TEAD1: variants seen among roughly 807,000 people sequenced by gnomAD.
TEAD1 encodes transcriptional enhancer factor TEF-1.
A neutral mutation model predicts 54.9 loss-of-function variants in TEAD1; 9 were observed. The observed-to-expected ratio is 0.16, with a 90% CI of 0.10 to 0.29. TEAD1 has a LOEUF of 0.29. Ranked by LOEUF, TEAD1 falls within the 10% of genes least tolerant of loss-of-function variation. TEAD1 has a pLI of 1.00. For missense variants in TEAD1, 387 were observed against 535.9 expected, an observed-to-expected ratio of 0.72 and a Z score of 2.74; for synonymous variants, 200 against 187.8, an observed-to-expected ratio of 1.07 and a Z score of -0.53.
intron 2 of TEAD1, among the ~76,000 whole-genome samples, chr11:12,687,228 G>A (rs1344237606): frequency 6.6e-6 from 1 of 152,240 alleles, no homozygotes; most frequent in African/African-American, 2.4e-5. Context: ...GAGAGAAAAT[G>A]TGTGAGCCCT....
rs1287410111 is a variant in TEAD1 at position 12,675,399 on chromosome 11, G to C, written c.-207-10G>C. The C allele has an allele frequency of 6.6e-6, 1 of 152,578 alleles. No homozygotes were observed. The highest frequency in any genetic ancestry group is 1.5e-5 in the Non-Finnish European group (1 of 68,436). The allele number at this position is 152,578 out of a possible 1,614,324, so 9.5% of individuals were successfully genotyped here. A position where few individuals can be genotyped will look rare whatever the true frequency, so the allele number is the denominator to read the frequency against. On this transcript the variant is annotated splice_polypyrimidine_tract_variant and intron_variant, in intron 1 of 12. Transcript: ENST00000527636. ...GAAAAAGGGCACGGTCGTCTTTGCC[G>C]CTTCTCCAGGACTGTTGCTGCCGCT...
intron 3 of TEAD1, among the ~76,000 whole-genome samples, chr11:12,785,613 G>T (rs1945661673): frequency 6.6e-6 from 1 of 152,122 alleles, no homozygotes; most frequent in African/African-American, 2.4e-5. Flanking sequence ...CCTATGCCAG[G>T]TGATATTCCC....
At chr11:12,821,720 T>C (rs1946548539) in intron 3 of TEAD1, among the ~76,000 whole-genome samples, 1 of 152,162 alleles carries the variant, frequency 6.6e-6, no homozygotes, top group South Asian at 2.1e-4. Context: ...CATGTATTTG[T>C]AAACTATTGA....
chr11:12,840,886 G>C (rs189458812), intron 3 of TEAD1, among the ~76,000 whole-genome samples: 26 of 152,344 alleles, frequency 1.7e-4, no homozygotes, highest in African/African-American at 6.3e-4. Context: ...TATAGGGAGA[G>C]TTGTACTGGA....
At chr11:12,837,207 T>C (rs1416067666) in intron 3 of TEAD1, among the ~76,000 whole-genome samples, 1 of 152,220 alleles carries the variant, frequency 6.6e-6, no homozygotes, top group Non-Finnish European at 1.5e-5. Context: ...CCCTCTTCCT[T>C]TCTTGCCCAC....
intron 3 of TEAD1, among the ~76,000 whole-genome samples, chr11:12,801,547 T>G (rs376595699): frequency 4.0e-4 from 61 of 152,316 alleles, no homozygotes; most frequent in African/African-American, 1.4e-3. Context: ...AAATAGATAT[T>G]AGTGACCTAT....
chr11:12,899,759 C>G (rs1178893980), intron 9 of TEAD1, among the ~76,000 whole-genome samples: 1 of 152,212 alleles, frequency 6.6e-6, no homozygotes, highest in Non-Finnish European at 1.5e-5. Context: ...TTCTCTCTTT[C>G]ACCTCACCTG....
chr11:12,785,699 G>T lies in TEAD1; in HGVS notation c.202+21265G>T, dbSNP rs548464149. ...AACTTACAGATCTTGGTCTTTGGAGGTTTGGTCTGTGGATCTTGGTATCTA... is the reference window on the plus strand; with the variant it reads ...AACTTACAGATCTTGGTCTTTGGAGTTTTGGTCTGTGGATCTTGGTATCTA... On this transcript the variant is annotated intron_variant, in intron 3 of 12. Coordinates refer to ENST00000527636, the MANE Select transcript of TEAD1 (RefSeq NM_021961.6). Among the ~76,000 whole-genome samples, 44 of 152,262 alleles carry T rather than the reference G, an allele frequency of 2.9e-4. 1 individual carries two copies. The South Asian group carries it at 8.9e-3, about 31-fold the overall frequency.
intron 3 of TEAD1, among the ~76,000 whole-genome samples, chr11:12,855,572 G>A (rs1405690989): frequency 6.6e-6 from 1 of 151,998 alleles, no homozygotes; most frequent in Non-Finnish European, 1.5e-5. Flanking sequence ...ACAGGCATGA[G>A]CCATTGCGCC....
intron 9 of TEAD1, among the ~76,000 whole-genome samples, chr11:12,896,035 T>TA (rs918718675): frequency 6.6e-5 from 10 of 151,902 alleles, no homozygotes; most frequent in African/African-American, 2.2e-4. Flanking sequence ...TATATCACAT[T>TA]AAAAAAAATT....
intron 3 of TEAD1, among the ~76,000 whole-genome samples, chr11:12,855,518 GA>G (rs1166771660): frequency 6.6e-6 from 1 of 152,062 alleles, no homozygotes; most frequent in South Asian, 2.1e-4. Context: ...TTGATCTCCT[GA>G]CTGCGTGATC....
intron 3 of TEAD1, among the ~76,000 whole-genome samples, chr11:12,807,735 G>A (rs1946205991): frequency 6.6e-6 from 1 of 152,210 alleles, no homozygotes; most frequent in Admixed American, 6.5e-5. Flanking sequence ...AGGGCTGCAC[G>A]GAAAATTCCA....
chr11:12,744,090 A>T (rs1252333682), intron 2 of TEAD1, among the ~76,000 whole-genome samples: 2 of 152,194 alleles, frequency 1.3e-5, no homozygotes, highest in African/African-American at 2.4e-5. Flanking sequence ...TTGCTGAGAA[A>T]ACTTTAGTTG....
intron 6 of TEAD1, 72 bp from the exon 7 acceptor site, chr11:12,880,933 G>T: frequency 6.5e-7 from 1 of 1,543,544 alleles, no homozygotes; most frequent in South Asian, 1.1e-5. Context: ...CAGGGGTTGT[G>T]ATGCGTAGGC....
intron 2 of TEAD1, among the ~76,000 whole-genome samples, chr11:12,739,849 C>T (rs2133890850): frequency 6.6e-6 from 1 of 152,274 alleles, no homozygotes; most frequent in South Asian, 2.1e-4. Flanking sequence ...AATATTGGTC[C>T]ATCAGGGAGA....
chr11:12,742,674 T>G (rs1454425173), intron 2 of TEAD1, among the ~76,000 whole-genome samples: 2 of 152,194 alleles, frequency 1.3e-5, no homozygotes, highest in African/African-American at 4.8e-5. Context: ...TATGGAAATA[T>G]CACATTGTAC....
At chr11:12,800,420 A>G (rs142560721) in intron 3 of TEAD1, among the ~76,000 whole-genome samples, 100 of 152,332 alleles carry the variant, frequency 6.6e-4, no homozygotes, top group African/African-American at 2.2e-3. Flanking sequence ...AGAGAAATAC[A>G]AATTAGATAA....
At chr11:12,799,715 C>T (rs542149353) in intron 3 of TEAD1, among the ~76,000 whole-genome samples, 1 of 152,332 alleles carries the variant, frequency 6.6e-6, no homozygotes, top group African/African-American at 2.4e-5. Context: ...GGAATTTGAA[C>T]CCAAGTCCTC....
At chr11:12,693,130 A>T (rs141438839) in intron 2 of TEAD1, among the ~76,000 whole-genome samples, 1,669 of 152,334 alleles carry the variant, frequency 0.011, 29 homozygotes, top group South Asian at 0.055. Context: ...TCCACAGGGA[A>T]CATCATGGAA....
Sources: gnomAD v4.1 joint callset for allele counts (sites outside exome capture counted in the v4.1 genomes callset) on GRCh38, gnomAD v4.1.1 for gene constraint, MANE v1.5 for transcripts, NCBI Gene and HGNC (gene_info 2026-07-23, HGNC 2026-07-21) for gene names.